The following CD44 variants were observed in gnomAD, a reference collection of about 807,000 sequenced individuals.
CD44 encodes CD44 molecule (IN blood group), also known as CD44 antigen.
Under a neutral mutation model 88.8 loss-of-function variants are expected in CD44, and 49 were observed. The ratio of observed to expected loss-of-function variants is 0.55; its 90% confidence interval spans 0.44 to 0.70. The LOEUF (loss-of-function observed/expected upper bound fraction) is 0.70, where lower values mean the gene tolerates loss of function less well. CD44 is among the 30% of genes least tolerant of loss of function. The pLI, the probability that CD44 is intolerant of heterozygous loss-of-function variation, is 0.00. For synonymous variants in CD44, 325 were observed against 312.3 expected (o/e 1.04, Z -0.43); for missense variants, 883 against 913.8 (o/e 0.97, Z 0.43).
intron 1 of CD44, among the ~76,000 whole-genome samples, chr11:35,170,302 G>A (rs991354179): frequency 1.3e-5 from 2 of 152,100 alleles, no homozygotes; most frequent in Admixed American, 1.3e-4. Flanking sequence ...TAAAAGTTTG[G>A]CACTACAGAC....
intron 17 of CD44, among the ~76,000 whole-genome samples, chr11:35,224,652 G>A (rs751957050): frequency 4.6e-5 from 7 of 152,000 alleles, no homozygotes; most frequent in Non-Finnish European, 7.4e-5. Context: ...TAGAAGAATC[G>A]CTTGAGCCCC....
intron 3 of CD44, among the ~76,000 whole-genome samples, chr11:35,181,921 T>TAATTCA (rs1554962209): frequency 1.5e-5 from 1 of 68,216 alleles, no homozygotes; most frequent in Non-Finnish European, 2.6e-5. Context: ...ATATTATATA[T>TAATTCA]TATATTATAT....
rs1164062044 is a variant in CD44, at chr11:35,182,001, A to ATATATATT, written c.367+1601_367+1602insTTATATAT. Among the ~76,000 whole-genome samples, 714 of 109,854 alleles carry ATATATATT rather than the reference A, an allele frequency of 6.5e-3. 7 individuals carry two copies. Among genetic ancestry groups the ATATATATT allele is most frequent in the Non-Finnish European group, 9.7e-3 (575 of 59,276 alleles). 72.1% of individuals were successfully genotyped at this position (109,854 alleles called of 152,430 possible). A position where few individuals can be genotyped will look rare whatever the true frequency, so the allele number is the denominator to read the frequency against. On this transcript the variant is annotated intron_variant, in intron 3 of 17. Coordinates refer to ENST00000428726, the MANE Select transcript of CD44 (RefSeq NM_000610.4). ...ATATATTATATATAAATTTATATTT[A>ATATATATT]TATATATGTATATATGTATATATAA...
At chr11:35,184,473 A>T (rs1475464014) in intron 3 of CD44, among the ~76,000 whole-genome samples, 1 of 152,190 alleles carries the variant, frequency 6.6e-6, no homozygotes, top group Non-Finnish European at 1.5e-5. Context: ...CAACATACAA[A>T]TATCAGAAGC....
chr11:35,228,230 C>T (rs980686550), intron 17 of CD44, among the ~76,000 whole-genome samples: 6 of 152,094 alleles, frequency 3.9e-5, no homozygotes, highest in Admixed American at 6.5e-5. Context: ...CTTTCTTTTG[C>T]GTTTGGGTCT....
intron 16 of CD44, 112 bp from the exon 17 acceptor site, chr11:35,221,542 T>C (rs1296893742): frequency 2.6e-5 from 23 of 876,966 alleles, no homozygotes; most frequent in Non-Finnish European, 4.1e-5. Context: ...CAGACCCCCC[T>C]GCAGCGCTGA....
chr11:35,148,423 G>A (rs886318532), intron 1 of CD44, among the ~76,000 whole-genome samples: 2 of 152,232 alleles, frequency 1.3e-5, no homozygotes, highest in Admixed American at 6.5e-5. Context: ...AAAGTTCGGG[G>A]AAGAAATCTC....
At chr11:35,181,116 T>C (rs2133732738) in intron 3 of CD44, among the ~76,000 whole-genome samples, 1 of 152,274 alleles carries the variant, frequency 6.6e-6, no homozygotes, top group Admixed American at 6.5e-5. Context: ...AATCTAATGA[T>C]AGCTTTGGGG....
chr11:35,190,839 T>G (rs76925248), intron 5 of CD44, among the ~76,000 whole-genome samples: 2,755 of 152,326 alleles, frequency 0.018, 33 homozygotes, highest in Non-Finnish European at 0.028. Context: ...AATACTTACT[T>G]GGTGTGTGGG....
At chr11:35,226,708 A>T (rs1309118772) in intron 17 of CD44, among the ~76,000 whole-genome samples, 1 of 152,176 alleles carries the variant, frequency 6.6e-6, no homozygotes, top group Non-Finnish European at 1.5e-5. Flanking sequence ...TTATTTAGTG[A>T]CAGTCTCTGT....
Position 35,182,034 on chromosome 11 carries a change from C to T in CD44, c.367+1627C>T, listed in dbSNP as rs1399449935. 3.2e-3 allele frequency among the ~76,000 whole-genome samples: 358 copies of T among 112,018 alleles called. 9 individuals are homozygous for T. The highest frequency in any genetic ancestry group is 0.013 in the Admixed American group (107 of 8,278). The allele number at this position is 112,018 out of a possible 152,430, so 73.5% of individuals were successfully genotyped here. Reference sequence around the variant, plus strand: ...GTATATATGTATATATAAATATATACACATTTATATATATAAAATCAAGAT... The same window carrying T: ...GTATATATGTATATATAAATATATATACATTTATATATATAAAATCAAGAT... On this transcript the variant is annotated intron_variant, in intron 3 of 17. Coordinates refer to ENST00000428726, the MANE Select transcript of CD44 (RefSeq NM_000610.4).
intron 1 of CD44, among the ~76,000 whole-genome samples, chr11:35,143,321 C>T (rs1858391641): frequency 6.6e-6 from 1 of 151,056 alleles, no homozygotes; most frequent in African/African-American, 2.4e-5. Context: ...AAAGCAGGGT[C>T]CTAAGTCCTG....
chr11:35,183,669 A>G (rs895127894), intron 3 of CD44, among the ~76,000 whole-genome samples: 1 of 152,198 alleles, frequency 6.6e-6, no homozygotes, highest in Non-Finnish European at 1.5e-5. Context: ...AAATGAAAAT[A>G]AGGCAGAACT....
At chr11:35,148,325 G>A (rs750985027) in intron 1 of CD44, among the ~76,000 whole-genome samples, 13 of 152,186 alleles carry the variant, frequency 8.5e-5, no homozygotes, top group Non-Finnish European at 1.2e-4. Context: ...ACCAGCTGAC[G>A]TCAGCTCCGC....
At chr11:35,139,736 C>T (rs1389139176) in intron 1 of CD44, 9 of 518,466 alleles carry the variant, frequency 1.7e-5, no homozygotes, top group Non-Finnish European at 3.0e-5. Flanking sequence ...TCGCCAAGCC[C>T]CACCGGGCTG....
intron 1 of CD44, among the ~76,000 whole-genome samples, chr11:35,161,885 C>G (rs1942665283): frequency 6.6e-6 from 1 of 152,028 alleles, no homozygotes; most frequent in Non-Finnish European, 1.5e-5. Flanking sequence ...TACAAAAAGC[C>G]CCATAAATAA....
intron 11 of CD44, among the ~76,000 whole-genome samples, chr11:35,206,676 G>GC (rs1554971963): frequency 4.0e-5 from 6 of 151,776 alleles, no homozygotes; most frequent in Admixed American, 2.0e-4. Flanking sequence ...TGGTGGGGGG[G>GC]GCAGTTTTCC....
At chr11:35,213,866 G>A (rs1948622653) in intron 14 of CD44, 1 of 152,146 alleles carries the variant, frequency 6.6e-6, no homozygotes, top group African/African-American at 2.4e-5. Context: ...AGTTACACAG[G>A]TGACTAAGTG....
At chr11:35,223,305 T>C (rs1949452816) in intron 17 of CD44, 2 of 984,666 alleles carry the variant, frequency 2.0e-6, no homozygotes, top group African/African-American at 3.5e-5. Context: ...TTTGCTCAAT[T>C]AAATATGAAT....
Sources: gnomAD v4.1 joint callset for allele counts (sites outside exome capture counted in the v4.1 genomes callset) on GRCh38, gnomAD v4.1.1 for gene constraint, MANE v1.5 for transcripts, NCBI Gene and HGNC (gene_info 2026-07-23, HGNC 2026-07-21) for gene names.